Variants in CDYL2 observed in about 807,000 individuals in gnomAD.
The protein encoded by CDYL2 is chromodomain Y like 2, also known as chromodomain Y-like protein 2.
A neutral mutation model predicts 49.4 loss-of-function variants in CDYL2; 23 were observed. That is an observed-to-expected ratio of 0.47 (90% CI 0.34 to 0.66). The LOEUF is 0.66. CDYL2 is among the 30% of genes least tolerant of loss of function. The probability of loss-of-function intolerance (pLI) is 0.01; values close to 1 mark genes in which losing one functional copy is unlikely to be tolerated. For synonymous variants in CDYL2, 360 were observed against 268.8 expected, an observed-to-expected ratio of 1.34 and a Z score of -3.32; for missense variants, 678 against 656.4, an observed-to-expected ratio of 1.03 and a Z score of -0.36.
At chr16:80,787,661 T>C (rs1490645516) in intron 1 of CDYL2, among the ~76,000 whole-genome samples, 2 of 152,172 alleles carry the variant, frequency 1.3e-5, no homozygotes, top group Admixed American at 6.5e-5. Context: ...TTTTCCTCTC[T>C]ATTCCCGTTG....
intron 2 of CDYL2, among the ~76,000 whole-genome samples, chr16:80,682,326 A>C (rs1909999324): frequency 1.3e-5 from 2 of 152,254 alleles, no homozygotes; most frequent in Non-Finnish European, 2.9e-5. Context: ...AGAAAGGTCT[A>C]GAATAGCATT....
At chr16:80,684,089 C>A (rs1259666521) in intron 2 of CDYL2, among the ~76,000 whole-genome samples, 2 of 152,160 alleles carry the variant, frequency 1.3e-5, no homozygotes, top group Non-Finnish European at 2.9e-5. Context: ...GGACCCCAAC[C>A]CAGACCCTAC....
At chr16:80,630,003 CT>C (rs1455266245) in intron 3 of CDYL2, among the ~76,000 whole-genome samples, 2 of 152,216 alleles carry the variant, frequency 1.3e-5, no homozygotes, top group Non-Finnish European at 2.9e-5. Flanking sequence ...AGCAAAGTAA[CT>C]TCCCAAGGTA....
At chr16:80,746,466 T>A (rs573276616) in intron 1 of CDYL2, among the ~76,000 whole-genome samples, 1 of 152,322 alleles carries the variant, frequency 6.6e-6, no homozygotes, top group Admixed American at 6.5e-5. Context: ...AAAGTGTGAA[T>A]TCTGAGCAAT....
At chr16:80,769,501 G>C (rs147186831) in intron 1 of CDYL2, among the ~76,000 whole-genome samples, 2 of 152,296 alleles carry the variant, frequency 1.3e-5, no homozygotes, top group African/African-American at 2.4e-5. Context: ...TGCCAGTGAC[G>C]ACAGCCAAGT....
At chr16:80,620,736 G>A (rs4889169) in intron 4 of CDYL2, 27 bp downstream of exon 4, 479,694 of 1,553,668 alleles carry the variant, frequency 0.31, 85,082 homozygotes, top group African/African-American at 0.77. Context: ...CAGGACCCCA[G>A]GGTGTGTGAA....
chr16:80,800,977 G>A (rs999143969), intron 1 of CDYL2, among the ~76,000 whole-genome samples: 1 of 152,234 alleles, frequency 6.6e-6, no homozygotes, highest in Non-Finnish European at 1.5e-5. Context: ...CAAGGGGACA[G>A]GGACAAGCTA....
intron 5 of CDYL2, among the ~76,000 whole-genome samples, chr16:80,610,174 A>C (rs2142362557): frequency 6.6e-6 from 1 of 152,354 alleles, no homozygotes; most frequent in South Asian, 2.1e-4. Flanking sequence ...TATTGCAACA[A>C]AAGCAGGACT....
chr16:80,641,240 A>T (rs2142404426), intron 2 of CDYL2, among the ~76,000 whole-genome samples: 1 of 152,334 alleles, frequency 6.6e-6, no homozygotes, highest in Non-Finnish European at 1.5e-5. Flanking sequence ...ACAATGTAGG[A>T]GCTTTAATAC....
chr16:80,628,941 G>A (rs1004979426), intron 3 of CDYL2, among the ~76,000 whole-genome samples: 1 of 152,176 alleles, frequency 6.6e-6, no homozygotes, highest in African/African-American at 2.4e-5. Flanking sequence ...ACTGAGACCT[G>A]AAGGAAGAGC....
At chr16:80,781,575 G>A (rs903828015) in intron 1 of CDYL2, among the ~76,000 whole-genome samples, 1 of 152,068 alleles carries the variant, frequency 6.6e-6, no homozygotes, top group Non-Finnish European at 1.5e-5. Flanking sequence ...AACAACAACA[G>A]AGCATACATT....
At chr16:80,732,440 C>T (rs751405245) in intron 1 of CDYL2, among the ~76,000 whole-genome samples, 5 of 152,016 alleles carry the variant, frequency 3.3e-5, no homozygotes, top group Admixed American at 6.6e-5. Flanking sequence ...CGGAAAAAAA[C>T]ACAGTGTCCC....
At chr16:80,787,833 G>C (rs1031133967) in intron 1 of CDYL2, among the ~76,000 whole-genome samples, 2 of 152,094 alleles carry the variant, frequency 1.3e-5, no homozygotes, top group African/African-American at 4.8e-5. Flanking sequence ...CTTAATTTTA[G>C]TAAAGATTAG....
chr16:80,623,025 G>A (rs1907150441), intron 3 of CDYL2, among the ~76,000 whole-genome samples: 1 of 152,180 alleles, frequency 6.6e-6, no homozygotes, highest in Non-Finnish European at 1.5e-5. Flanking sequence ...GTCAGGAAGT[G>A]GCAGAGCCTG....
chr16:80,754,367 GAACA>G (rs1275595566), intron 1 of CDYL2, among the ~76,000 whole-genome samples: 1 of 152,108 alleles, frequency 6.6e-6, no homozygotes, highest in African/African-American at 2.4e-5. Flanking sequence ...CTAGGATTTG[GAACA>G]AACAGAGATT....
chr16:80,742,453 G>GATGAATGC (rs1905772067), intron 1 of CDYL2: 3 of 117,892 alleles, frequency 2.5e-5, no homozygotes, highest in Admixed American at 8.6e-5. Flanking sequence ...ATGGATGGAG[G>GATGAATGC]ATGGATGCAT....
intron 1 of CDYL2, among the ~76,000 whole-genome samples, chr16:80,706,882 C>T (rs572648837): frequency 3.9e-5 from 6 of 152,200 alleles, no homozygotes; most frequent in Admixed American, 6.5e-5. Context: ...AGACCTGGCT[C>T]TTCAGTTACA....
chr16:80,680,802 C>T (rs1909939423), intron 2 of CDYL2, among the ~76,000 whole-genome samples: 2 of 152,316 alleles, frequency 1.3e-5, no homozygotes, highest in South Asian at 4.1e-4. Context: ...CCTGTACACA[C>T]CTGTGGCTGT....
intron 1 of CDYL2, among the ~76,000 whole-genome samples, chr16:80,713,466 T>C (rs891030040): frequency 1.4e-4 from 21 of 152,252 alleles, no homozygotes; most frequent in Middle Eastern, 3.4e-3. Flanking sequence ...GGATGTTCCA[T>C]TGGGATATTA....
Sources: allele counts gnomAD v4.1 joint callset (sites outside exome capture counted in the v4.1 genomes callset), GRCh38; gene constraint gnomAD v4.1.1; transcripts MANE v1.5; gene names NCBI Gene and HGNC (gene_info 2026-07-23, HGNC 2026-07-21).